Variants in NMNAT3 observed in about 807,000 individuals in gnomAD.
The protein encoded by NMNAT3 is nicotinamide nucleotide adenylyltransferase 3.
Under a neutral mutation model 24.8 loss-of-function variants are expected in NMNAT3, and 21 were observed. The ratio of observed to expected loss-of-function variants is 0.85; its 90% CI spans 0.60 to 1.22. The LOEUF is 1.22. Ranked by LOEUF, NMNAT3 falls within the 50% of genes most tolerant of loss-of-function variation. NMNAT3 has a pLI of 0.00. For synonymous variants in NMNAT3, 136 were observed against 155.2 expected (o/e 0.88, Z 0.92); for missense variants, 387 against 436.6 (o/e 0.89, Z 1.01).
At chr3:139,622,414 G>T (rs1052242693) in intron 3 of NMNAT3, among the ~76,000 whole-genome samples, 2 of 151,028 alleles carry the variant, frequency 1.3e-5, no homozygotes, top group Admixed American at 6.6e-5. Context: ...TCTAAACACA[G>T]AAAAGGTACA....
intron 1 of NMNAT3, among the ~76,000 whole-genome samples, chr3:139,653,975 C>T (rs1240889463): frequency 6.6e-6 from 1 of 152,150 alleles, no homozygotes; most frequent in Non-Finnish European, 1.5e-5. Context: ...CTCTGACCAG[C>T]GCTTCTGCTC....
chr3:139,591,111 C>T (rs933598306), intron 3 of NMNAT3, among the ~76,000 whole-genome samples: 2 of 151,120 alleles, frequency 1.3e-5, no homozygotes, highest in South Asian at 2.1e-4. Flanking sequence ...AGTGTGTGTG[C>T]GCACCGTGCG....
intron 1 of NMNAT3, among the ~76,000 whole-genome samples, chr3:139,649,938 T>G (rs985963370): frequency 1.3e-5 from 2 of 152,160 alleles, no homozygotes; most frequent in African/African-American, 4.8e-5. Flanking sequence ...TTAGGGGCCA[T>G]GAAGAGATGA....
At chr3:139,654,274 C>A (rs1339598268) in intron 1 of NMNAT3, among the ~76,000 whole-genome samples, 2 of 152,188 alleles carry the variant, frequency 1.3e-5, no homozygotes, top group Admixed American at 1.3e-4. Flanking sequence ...GATCCATGAG[C>A]CTGGAACTGA....
chr3:139,572,377 C>CATTATAT (rs1233159736), intron 6 of NMNAT3: 2 of 393,362 alleles, frequency 5.1e-6, no homozygotes, highest in Admixed American at 8.9e-5. Flanking sequence ...ATACAATAAA[C>CATTATAT]ATTATATAAG....
chr3:139,581,668 A>C (rs2053622847), intron 4 of NMNAT3, among the ~76,000 whole-genome samples: 1 of 152,166 alleles, frequency 6.6e-6, no homozygotes, highest in Admixed American at 6.5e-5. Flanking sequence ...TAATAAGTAG[A>C]TATAGATCAT....
At chr3:139,658,798 A>T (rs2057325641) in intron 1 of NMNAT3, among the ~76,000 whole-genome samples, 1 of 152,172 alleles carries the variant, frequency 6.6e-6, no homozygotes, top group African/African-American at 2.4e-5. Flanking sequence ...ACTTACAATG[A>T]AATGCACAAA....
At chr3:139,575,023 G>A (rs750123247) in intron 5 of NMNAT3, among the ~76,000 whole-genome samples, 2 of 152,130 alleles carry the variant, frequency 1.3e-5, no homozygotes, top group African/African-American at 2.4e-5. Flanking sequence ...GAAACGCTTA[G>A]CACCAGCCCA....
At chr3:139,601,876 A>T (rs767064131) in intron 3 of NMNAT3, among the ~76,000 whole-genome samples, 1 of 152,230 alleles carries the variant, frequency 6.6e-6, no homozygotes, top group Non-Finnish European at 1.5e-5. Context: ...TTGAAGGCAG[A>T]TGGTAACCTA....
chr3:139,634,646 C>A (rs188766971), intron 2 of NMNAT3: 91 of 152,232 alleles, frequency 6.0e-4, no homozygotes, highest in African/African-American at 2.1e-3. Context: ...TGCCAGCCAC[C>A]CCTTGGAGGA....
At chr3:139,599,039 G>A in intron 3 of NMNAT3, 1 of 405,868 alleles carries the variant, frequency 2.5e-6, no homozygotes, top group Non-Finnish European at 4.4e-6. Context: ...GCAAGACTGG[G>A]CCTCAATAAA....
At chr3:139,597,027 G>T (rs570454739) in intron 3 of NMNAT3, among the ~76,000 whole-genome samples, 46 of 144,814 alleles carry the variant, frequency 3.2e-4, no homozygotes, top group African/African-American at 1.2e-3. Context: ...GGTTTATTTT[G>T]AATCTGGGCT....
chr3:139,597,414 AATAG>A (rs1379132898), intron 3 of NMNAT3, among the ~76,000 whole-genome samples: 1 of 152,200 alleles, frequency 6.6e-6, no homozygotes. Flanking sequence ...GTGGTATATT[AATAG>A]ATATCTTTAT....
intron 1 of NMNAT3, among the ~76,000 whole-genome samples, chr3:139,655,015 G>A (rs569743970): frequency 3.3e-5 from 5 of 152,174 alleles, no homozygotes; most frequent in Non-Finnish European, 5.9e-5. Context: ...CCCTAGGCTC[G>A]GTCAGGTTAA....
chr3:139,657,413 G>T (rs1576764374), intron 1 of NMNAT3, among the ~76,000 whole-genome samples: 1 of 152,348 alleles, frequency 6.6e-6, no homozygotes, highest in East Asian at 1.9e-4. Context: ...AAACAGGTTA[G>T]TGCGCAGGTG....
intron 3 of NMNAT3, among the ~76,000 whole-genome samples, chr3:139,610,192 A>G (rs2055142856): frequency 6.6e-6 from 1 of 152,092 alleles, no homozygotes; most frequent in African/African-American, 2.4e-5. Flanking sequence ...GAGGGCCTCA[A>G]AATAAAGCAC....
chr3:139,585,537 T>C (rs2053903562), intron 3 of NMNAT3, among the ~76,000 whole-genome samples: 1 of 152,260 alleles, frequency 6.6e-6, no homozygotes, highest in Non-Finnish European at 1.5e-5. Context: ...TTCAATGTTT[T>C]CTGGTGAATG....
intron 1 of NMNAT3, among the ~76,000 whole-genome samples, chr3:139,650,473 CT>C (rs2057019909): frequency 1.3e-5 from 2 of 152,148 alleles, no homozygotes; most frequent in African/African-American, 4.8e-5. Flanking sequence ...TCTAAACCCC[CT>C]GTGTTATAAT....
At chr3:139,656,689 G>A (rs112018418) in intron 1 of NMNAT3, among the ~76,000 whole-genome samples, 3 of 152,286 alleles carry the variant, frequency 2.0e-5, no homozygotes, top group African/African-American at 4.8e-5. Context: ...CTAGTTGGGA[G>A]GCTGAAATGG....
Sources: allele counts gnomAD v4.1 joint callset (sites outside exome capture counted in the v4.1 genomes callset), GRCh38; gene constraint gnomAD v4.1.1; transcripts MANE v1.5; gene names NCBI Gene and HGNC (gene_info 2026-07-23, HGNC 2026-07-21).